The following PDZRN3 variants were observed in gnomAD, a reference collection of about 807,000 sequenced individuals.
PDZRN3 encodes PDZ domain containing ring finger 3, also known as E3 ubiquitin-protein ligase PDZRN3.
Under a neutral mutation model 85.7 loss-of-function variants are expected in PDZRN3, and 38 were observed. That is an observed-to-expected ratio of 0.44 (90% CI 0.34 to 0.58). The LOEUF is 0.58. Among genes scored for constraint, PDZRN3 ranks in the 20% least tolerant of loss-of-function variants. The pLI, the probability that PDZRN3 is intolerant of heterozygous loss-of-function variation, is 0.01. For synonymous variants in PDZRN3, 759 were observed against 638.0 expected, an observed-to-expected ratio of 1.19 and a Z score of -2.86; for missense variants, 1,629 against 1,506.4, an observed-to-expected ratio of 1.08 and a Z score of -1.35.
rs780298801 is a variant in PDZRN3, at chr3:73,384,241, G to A, written c.2325C>T (p.Pro775=). 6.2e-6 allele frequency: 10 copies of A among 1,613,132 alleles called. No individual in the cohort carries two copies. Among genetic ancestry groups the A allele is most frequent in the African/African-American group, 1.3e-5 (1 of 74,924 alleles). The change falls in exon 10 of 10, where the codon CCC becomes CCT. Residue 775 remains proline, a synonymous_variant. Transcript: ENST00000263666. ...CCGCCGCTCTCCTCAAGGAGTTGTC[G>A]GGGGAGATCTCCAGGGTGAGCGGGG... ...RSTPLTLEIS[P]DNSLRRAAEG... is the part of the protein sequence containing the mutation.
chr3:73,509,397 G>C lies in PDZRN3; in HGVS notation c.918+92957C>G, dbSNP rs560563838. Among the ~76,000 whole-genome samples the C allele has an allele frequency of 3.1e-4, 47 of 152,284 alleles. 2 individuals are homozygous for C. In the South Asian group the frequency reaches 9.3e-3, roughly 30 times the overall value. ...AGGTGCAGAAATTGGACCTCTGTCT[G>C]TTTGTCCTGTAATTTCTCCAACATG... On this transcript the variant is annotated intron_variant, in intron 3 of 9. Transcript: ENST00000263666.
chr3:73,531,151 AGAGGCAGGAGAATGGCATGAACCCGG>A (rs1288561864), intron 3 of PDZRN3, among the ~76,000 whole-genome samples: 1 of 150,686 alleles, frequency 6.6e-6, no homozygotes, highest in African/African-American at 2.4e-5. Context: ...CTCAGGAGGC[AGAGGCAGGAGAATGGCATGAACCCGG>A]GAGGCGGAGC....
At chr3:73,468,272 A>C (rs539599696) in intron 3 of PDZRN3, among the ~76,000 whole-genome samples, 1 of 152,250 alleles carries the variant, frequency 6.6e-6, no homozygotes, top group African/African-American at 2.4e-5. Context: ...AGAAGCTGGA[A>C]AAGTCAAGGA....
chr3:73,501,265 C>G (rs373594897), intron 3 of PDZRN3, among the ~76,000 whole-genome samples: 27 of 152,340 alleles, frequency 1.8e-4, no homozygotes, highest in African/African-American at 5.3e-4. Flanking sequence ...CACTCCTCAC[C>G]TGAGCTAGAG....
At chr3:73,594,189 CATAAT>C (rs1286308267) in intron 3 of PDZRN3, among the ~76,000 whole-genome samples, 1 of 152,064 alleles carries the variant, frequency 6.6e-6, no homozygotes, top group African/African-American at 2.4e-5. Context: ...GAAATTAATA[CATAAT>C]ATATTGTTTA....
chr3:73,478,233 A>G (rs575800983), intron 3 of PDZRN3, among the ~76,000 whole-genome samples: 1 of 152,296 alleles, frequency 6.6e-6, no homozygotes. Context: ...CACAGCAGGA[A>G]GGGAGAGGTG....
chr3:73,493,690 T>C (rs894893938), intron 3 of PDZRN3, among the ~76,000 whole-genome samples: 2 of 152,246 alleles, frequency 1.3e-5, no homozygotes, highest in Non-Finnish European at 2.9e-5. Context: ...AAGTTGATTC[T>C]ATCACGACTA....
intron 3 of PDZRN3, among the ~76,000 whole-genome samples, chr3:73,416,891 T>TTTTTTTTTTTTTTTTTTTTTTTG: frequency 7.2e-6 from 1 of 139,154 alleles, no homozygotes; most frequent in African/African-American, 2.8e-5. Context: ...TTTTTTTTTT[T>TTTTTTTTTTTTTTTTTTTTTTTG]TTTTTTTTTT....
intron 3 of PDZRN3, among the ~76,000 whole-genome samples, chr3:73,429,851 C>T (rs1702395023): frequency 6.6e-6 from 1 of 152,156 alleles, no homozygotes; most frequent in African/African-American, 2.4e-5. Flanking sequence ...CTCCGGAGCT[C>T]ATTTTTCTCT....
chr3:73,556,781 G>A (rs1392510136), intron 3 of PDZRN3: 2 of 152,256 alleles, frequency 1.3e-5, no homozygotes, highest in African/African-American at 4.8e-5. Flanking sequence ...AGGAACTCCA[G>A]TACGTTCCAG....
chr3:73,425,243 C>G (rs1702288706), intron 3 of PDZRN3, among the ~76,000 whole-genome samples: 1 of 151,912 alleles, frequency 6.6e-6, no homozygotes, highest in African/African-American at 2.4e-5. Context: ...TGGTCTTGAT[C>G]TCCTGACCTA....
intron 3 of PDZRN3, chr3:73,474,418 C>A (rs1445317146): frequency 8.8e-7 from 1 of 1,140,438 alleles, no homozygotes; most frequent in Non-Finnish European, 1.2e-6. Context: ...TTATAATTAT[C>A]TTATTCATTA....
rs149039501 is a variant in PDZRN3, at chr3:73,396,749, C to T, written c.1254+4173G>A. 1.4e-3 allele frequency among the ~76,000 whole-genome samples: 210 copies of T among 152,312 alleles called. 2 individuals are homozygous for T. Among genetic ancestry groups the T allele is most frequent in the African/African-American group, 4.8e-3 (201 of 41,554 alleles). On this transcript the variant is annotated intron_variant, in intron 5 of 9. Transcript: ENST00000263666. ...GTTTCGCAGCCTACATAGGATGCTA[C>T]TGATGAATCGCCTGGGAAATTAAAA...
At chr3:73,504,155 T>G (rs1035890320) in intron 3 of PDZRN3, among the ~76,000 whole-genome samples, 2 of 152,210 alleles carry the variant, frequency 1.3e-5, no homozygotes, top group Non-Finnish European at 2.9e-5. Context: ...GATGCCCACC[T>G]GATGTACCTC....
chr3:73,452,648 T>G (rs563060934), intron 3 of PDZRN3, among the ~76,000 whole-genome samples: 1 of 152,200 alleles, frequency 6.6e-6, no homozygotes, highest in Non-Finnish European at 1.5e-5. Context: ...AAAACTTGGA[T>G]TTTTAAAGCA....
At chr3:73,418,940 C>A (rs894407194) in intron 3 of PDZRN3, among the ~76,000 whole-genome samples, 2 of 152,192 alleles carry the variant, frequency 1.3e-5, no homozygotes, top group African/African-American at 4.8e-5. Context: ...GTTCTGAAAT[C>A]TTTTCTTTGT....
At chr3:73,480,716 A>C (rs1237357868) in intron 3 of PDZRN3, among the ~76,000 whole-genome samples, 1 of 152,178 alleles carries the variant, frequency 6.6e-6, no homozygotes, top group Non-Finnish European at 1.5e-5. Flanking sequence ...TCTTGTCTTT[A>C]ATTGATTCTG....
chr3:73,447,269 G>A (rs1702769216), intron 3 of PDZRN3, among the ~76,000 whole-genome samples: 1 of 151,648 alleles, frequency 6.6e-6, no homozygotes, highest in African/African-American at 2.4e-5. Context: ...GCAGGAAATC[G>A]AAGCCTCGTG....
chr3:73,477,481 C>A (rs979901906), intron 3 of PDZRN3, among the ~76,000 whole-genome samples: 2 of 152,140 alleles, frequency 1.3e-5, no homozygotes, highest in African/African-American at 4.8e-5. Flanking sequence ...TAACCATAGT[C>A]TTGGATTATT....
Sources: gnomAD v4.1 joint callset for allele counts (sites outside exome capture counted in the v4.1 genomes callset) on GRCh38, gnomAD v4.1.1 for gene constraint, MANE v1.5 for transcripts, NCBI Gene and HGNC (gene_info 2026-07-23, HGNC 2026-07-21) for gene names.